GRM5: variants seen among roughly 807,000 people sequenced by gnomAD.
GRM5 encodes the protein glutamate metabotropic receptor 5.
GRM5 carries 19 observed loss-of-function variants against 83.1 expected under a neutral mutation model. The observed-to-expected ratio is 0.23, with a 90% CI of 0.16 to 0.34. The LOEUF is 0.34. Among genes scored for constraint, GRM5 ranks in the 10% least tolerant of loss-of-function variants. The probability of loss-of-function intolerance (pLI) is 1.00; values close to 1 mark genes in which losing one functional copy is unlikely to be tolerated. For synonymous variants in GRM5, 675 were observed against 633.6 expected, an observed-to-expected ratio of 1.07 and a Z score of -0.98; for missense variants, 1,160 against 1,588.3, an observed-to-expected ratio of 0.73 and a Z score of 4.58.
At chr11:88,542,728 T>C (rs182798952) in intron 8 of GRM5, among the ~76,000 whole-genome samples, 27 of 152,304 alleles carry the variant, frequency 1.8e-4, no homozygotes, top group African/African-American at 6.5e-4. Flanking sequence ...ATGATAAACA[T>C]TGGCTGTCAT....
At chr11:88,738,536 A>G (rs1423779206) in intron 3 of GRM5, among the ~76,000 whole-genome samples, 4 of 152,124 alleles carry the variant, frequency 2.6e-5, no homozygotes, top group Non-Finnish European at 5.9e-5. Flanking sequence ...TAATCAGTCC[A>G]TTTAAACATG....
intron 3 of GRM5, among the ~76,000 whole-genome samples, chr11:88,721,120 T>A (rs1941528049): frequency 6.6e-6 from 1 of 151,932 alleles, no homozygotes; most frequent in African/African-American, 2.4e-5. Context: ...AACCTTAAAA[T>A]AGGATTCTTA....
At chr11:88,710,281 G>A (rs1214641838) in intron 3 of GRM5, among the ~76,000 whole-genome samples, 3 of 151,990 alleles carry the variant, frequency 2.0e-5, no homozygotes, top group Non-Finnish European at 4.4e-5. Flanking sequence ...GAAAAAGAAA[G>A]GTCTAGAAAA....
intron 2 of GRM5, among the ~76,000 whole-genome samples, chr11:88,984,172 G>A (rs1437212439): frequency 2.6e-5 from 4 of 152,094 alleles, no homozygotes; most frequent in Non-Finnish European, 5.9e-5. Context: ...ACAGAGTAAT[G>A]TCCTAGGTCT....
At chr11:88,881,228 T>C (rs1443566014) in intron 2 of GRM5, among the ~76,000 whole-genome samples, 2 of 152,070 alleles carry the variant, frequency 1.3e-5, no homozygotes, top group African/African-American at 2.4e-5. Context: ...AAAACTTTAA[T>C]TTTTAATGGA....
intron 3 of GRM5, among the ~76,000 whole-genome samples, chr11:88,796,897 CACGTGTGTGTGTGT>C (rs1943285919): frequency 1.5e-5 from 1 of 65,186 alleles, no homozygotes; most frequent in African/African-American, 5.3e-5. Flanking sequence ...CACACACACA[CACGTGTGTGTGTGT>C]GTGTGTGTGT....
chr11:88,946,943 G>A (rs1322331193), intron 2 of GRM5, among the ~76,000 whole-genome samples: 1 of 151,946 alleles, frequency 6.6e-6, no homozygotes, highest in Non-Finnish European at 1.5e-5. Context: ...TTATTTTTGT[G>A]CTTTAATCAA....
At chr11:88,822,734 C>T (rs1246481227) in intron 3 of GRM5, among the ~76,000 whole-genome samples, 2 of 151,960 alleles carry the variant, frequency 1.3e-5, no homozygotes, top group African/African-American at 2.4e-5. Context: ...GGTGACATTG[C>T]TTGCCAAACT....
At chr11:88,632,381 C>T (rs527344453) in intron 4 of GRM5, among the ~76,000 whole-genome samples, 70 of 151,070 alleles carry the variant, frequency 4.6e-4, no homozygotes, top group Middle Eastern at 6.8e-3. Context: ...TATAGGTATG[C>T]GCTGTCACAC....
chr11:88,935,160 C>T (rs750961644), intron 2 of GRM5, among the ~76,000 whole-genome samples: 13 of 151,936 alleles, frequency 8.6e-5, no homozygotes, highest in Non-Finnish European at 1.8e-4. Flanking sequence ...TCACTAACAA[C>T]AAAGCTGAGA....
At chr11:88,773,092 C>A (rs1197315490) in intron 3 of GRM5, among the ~76,000 whole-genome samples, 1 of 152,144 alleles carries the variant, frequency 6.6e-6, no homozygotes, top group African/African-American at 2.4e-5. Context: ...CCTATTTCTC[C>A]ACATCCTCTC....
intron 3 of GRM5, among the ~76,000 whole-genome samples, chr11:88,703,519 C>T (rs1941084896): frequency 6.6e-6 from 1 of 152,028 alleles, no homozygotes; most frequent in Non-Finnish European, 1.5e-5. Flanking sequence ...GGGCAAATGA[C>T]AAGCAATATG....
chr11:88,658,694 A>C (rs1195772805), intron 3 of GRM5, among the ~76,000 whole-genome samples: 1 of 152,208 alleles, frequency 6.6e-6, no homozygotes, highest in Non-Finnish European at 1.5e-5. Flanking sequence ...ACTAAGTTTG[A>C]AAAGTATGGA....
intron 1 of GRM5, among the ~76,000 whole-genome samples, chr11:89,059,982 T>C (rs1286356770): frequency 6.6e-6 from 1 of 152,050 alleles, no homozygotes; most frequent in Non-Finnish European, 1.5e-5. Flanking sequence ...GGTACATAAA[T>C]TTAAGTAACT....
intron 2 of GRM5, among the ~76,000 whole-genome samples, chr11:88,945,953 T>C (rs1450570273): frequency 1.3e-5 from 2 of 152,004 alleles, no homozygotes; most frequent in Non-Finnish European, 2.9e-5. Flanking sequence ...ACAGACAGCC[T>C]GTCAGAATGG....
intron 8 of GRM5, among the ~76,000 whole-genome samples, chr11:88,531,926 T>G (rs1359575338): frequency 2.6e-5 from 4 of 152,132 alleles, no homozygotes; most frequent in Non-Finnish European, 5.9e-5. Context: ...TAAACTCGTT[T>G]TCCATTCCTA....
At position 89,047,153 on chromosome 11, in the gene GRM5, GAA is replaced by G. The variant is rs966405612; in HGVS notation, c.661+57_661+58del. On this transcript the variant is annotated intron_variant, in intron 2 of 9. Transcript: ENST00000305447. This position sits in a 1 kb window ranked among gnomAD's most constrained non-coding sequence, Gnocchi z 5.1. ...GGAATAGTTTACTCTTCCCAAACCT[GAA>G]ATTGTAACTGTTGAGTGCATAATAA... The G allele has an allele frequency of 6.0e-5, 80 of 1,335,708 alleles. No homozygotes were observed. The highest frequency in any genetic ancestry group is 7.5e-5 in the Non-Finnish European group (72 of 963,292). 82.7% of individuals were successfully genotyped at this position (1,335,708 alleles called of 1,614,324 possible).
Position 88,509,248 on chromosome 11 carries a change from C to T in GRM5, c.2983G>A (p.Ala995Thr), listed in dbSNP as rs1240123803. ...AGPGGPESPD[A>T]GPKALYDVAE... ...ACATCATACAGCGCCTTGGGGCCGG[C>T]GTCTGGGGACTCGGGCCCGCCTGGG... The change falls in exon 10 of 10, where the codon GCC (alanine) becomes ACC (threonine). Residue 995 changes from alanine (A) to threonine (T), a missense_variant. Ala to Thr is a moderately conservative substitution (Grantham distance 58). Transcript: ENST00000305447. 1.3e-6 allele frequency: 2 copies of T among 1,491,132 alleles called. No individual in the cohort carries two copies. The highest frequency in any genetic ancestry group is 2.3e-4 in the Middle Eastern group (1 of 4,436). 92.4% of individuals were successfully genotyped at this position (1,491,132 alleles called of 1,614,324 possible).
intron 2 of GRM5, among the ~76,000 whole-genome samples, chr11:88,930,028 A>C (rs1590973056): frequency 6.6e-6 from 1 of 152,206 alleles, no homozygotes; most frequent in South Asian, 2.1e-4. Context: ...ATCTCTCCAA[A>C]CGTTTTTTGG....
Sources: gnomAD v4.1 joint callset for allele counts (sites outside exome capture counted in the v4.1 genomes callset) on GRCh38, gnomAD v4.1.1 for gene constraint, Gnocchi (gnomAD v3.1) non-coding constraint, MANE v1.5 for transcripts, NCBI Gene and HGNC (gene_info 2026-07-23, HGNC 2026-07-21) for gene names.